The following PAN3 variants were observed in gnomAD, a reference collection of about 807,000 sequenced individuals.
The protein encoded by PAN3 is PAN2-PAN3 deadenylation complex subunit PAN3.
In PAN3, 19 loss-of-function variants were observed where a neutral mutation model predicts 96.2. That is an observed-to-expected ratio of 0.20 (90% CI 0.14 to 0.29). The LOEUF is 0.29. Ranked by LOEUF, PAN3 falls within the 10% of genes least tolerant of loss-of-function variation. The probability of loss-of-function intolerance (pLI) is 1.00; values close to 1 mark genes in which losing one functional copy is unlikely to be tolerated. For synonymous variants in PAN3, 433 were observed against 406.6 expected, an observed-to-expected ratio of 1.06 and a Z score of -0.78; for missense variants, 882 against 1,108.1, an observed-to-expected ratio of 0.80 and a Z score of 2.90.
chr13:28,245,711 C>G (rs1319476522), intron 6 of PAN3, among the ~76,000 whole-genome samples: 2 of 151,810 alleles, frequency 1.3e-5, no homozygotes, highest in Admixed American at 6.6e-5. Context: ...AACCACTAAT[C>G]TATTTTCTGA....
At chr13:28,179,171 T>C (rs1875439378) in intron 4 of PAN3, among the ~76,000 whole-genome samples, 5 of 152,240 alleles carry the variant, frequency 3.3e-5, no homozygotes, top group Admixed American at 3.3e-4. Flanking sequence ...AAATTTACCC[T>C]GCTTTACATA....
intron 5 of PAN3, among the ~76,000 whole-genome samples, chr13:28,205,224 G>A (rs1879205364): frequency 6.6e-6 from 1 of 152,064 alleles, no homozygotes; most frequent in Non-Finnish European, 1.5e-5. Context: ...GTAGGCTTTT[G>A]ATGCAATGGA....
chr13:28,238,628 C>T (rs1340136347), intron 6 of PAN3, among the ~76,000 whole-genome samples: 1 of 151,982 alleles, frequency 6.6e-6, no homozygotes, highest in Non-Finnish European at 1.5e-5. Flanking sequence ...AGCATTGATA[C>T]TTTTTTTAAT....
intron 4 of PAN3, among the ~76,000 whole-genome samples, chr13:28,189,525 AAAAC>A (rs1260792653): frequency 5.0e-5 from 7 of 139,798 alleles, no homozygotes. Context: ...TCAAAACAAA[AAAAC>A]AAAACAAAAC....
chr13:28,243,603 T>C (rs1321326988), intron 6 of PAN3, among the ~76,000 whole-genome samples: 3 of 152,196 alleles, frequency 2.0e-5, no homozygotes, highest in Non-Finnish European at 2.9e-5. Flanking sequence ...AATGGTCTGA[T>C]TAAACTTTTT....
intron 9 of PAN3, among the ~76,000 whole-genome samples, chr13:28,265,303 G>A (rs1886065763): frequency 6.6e-6 from 1 of 152,226 alleles, no homozygotes; most frequent in Non-Finnish European, 1.5e-5. Flanking sequence ...GGGTTTAAGT[G>A]ATTCTGCTGC....
intron 1 of PAN3, among the ~76,000 whole-genome samples, chr13:28,159,558 C>G (rs890865597): frequency 1.3e-5 from 2 of 152,346 alleles, no homozygotes; most frequent in African/African-American, 2.4e-5. Flanking sequence ...AAACGATTCT[C>G]CTGCCTCAGT....
chr13:28,186,279 G>T (rs1448103092), intron 4 of PAN3, among the ~76,000 whole-genome samples: 2 of 152,284 alleles, frequency 1.3e-5, no homozygotes, highest in South Asian at 4.1e-4. Context: ...ACAGAATGTG[G>T]AATTGATTTC....
Position 28,174,305 on chromosome 13 carries a change from C to T in PAN3, c.464C>T (p.Thr155Ile). The change falls in exon 2 of 19, where the codon ACA (threonine) becomes ATA (isoleucine). Residue 155 changes from threonine to isoleucine, a missense_variant. Physicochemically the swap from Thr to Ile is moderately conservative, Grantham distance 89. Coordinates refer to ENST00000380958, the MANE Select transcript of PAN3 (RefSeq NM_175854.8). Reference sequence around the variant, plus strand: ...ATGGATGGAGGTGCTTTAACTGATACAAGTCTCACAGATTCCTATTTTAGC... The same window carrying T: ...ATGGATGGAGGTGCTTTAACTGATATAAGTCTCACAGATTCCTATTTTAGC... ...PGMDGGALTD[T>I]SLTDSYFSTS... 6.2e-7 allele frequency: 1 copy of T among 1,612,698 alleles called. No individual in the cohort carries two copies. The highest frequency in any genetic ancestry group is 8.5e-7 in the Non-Finnish European group (1 of 1,178,792).
At position 28,207,173 on chromosome 13, in the gene PAN3, C is replaced by A. The variant is rs1161391455; in HGVS notation, c.852+9827C>A. Among the ~76,000 whole-genome samples the A allele has an allele frequency of 5.3e-5, 8 of 152,196 alleles. No homozygotes were observed. In the East Asian group the frequency reaches 1.5e-3, roughly 29 times the overall value. On this transcript the variant is annotated intron_variant, in intron 5 of 18. Transcript: ENST00000380958. Reference sequence around the variant, plus strand: ...GACACTTATTCACAACTATATGCCACCATATATCTTGGTTATTGATATCAT... The same window carrying A: ...GACACTTATTCACAACTATATGCCAACATATATCTTGGTTATTGATATCAT...
chr13:28,190,032 C>T (rs183225758), intron 4 of PAN3, among the ~76,000 whole-genome samples: 95 of 152,252 alleles, frequency 6.2e-4, no homozygotes, highest in Non-Finnish European at 1.2e-3. Flanking sequence ...CAAACTCTGC[C>T]CCCCGGGTTC....
intron 18 of PAN3, among the ~76,000 whole-genome samples, chr13:28,289,053 C>T (rs1317181232): frequency 1.3e-5 from 2 of 151,858 alleles, no homozygotes; most frequent in African/African-American, 4.8e-5. Context: ...GTCTCGATCT[C>T]CTGACCTCGT....
chr13:28,176,682 A>T, intron 3 of PAN3, 123 bp downstream of exon 3: 2 of 944,352 alleles, frequency 2.1e-6, no homozygotes, highest in Non-Finnish European at 3.2e-6. Context: ...AATAAAAATT[A>T]TTATCTTCCC....
chr13:28,277,386 A>C lies in PAN3; in HGVS notation c.2189+10A>C, dbSNP rs1457153643. The C allele has an allele frequency of 6.2e-7, 1 of 1,604,782 alleles. No individual in the cohort carries two copies. Among genetic ancestry groups the C allele is most frequent in the South Asian group, 1.1e-5 (1 of 89,226 alleles). On this transcript the variant is annotated intron_variant, in intron 15 of 18. Transcript: ENST00000380958. ...TGAAGAATCTGATTTTGTAAGTTTT[A>C]ATATATGATAAATTGTACAGAATGA...
At chr13:28,205,637 G>A (rs1400831627) in intron 5 of PAN3, among the ~76,000 whole-genome samples, 1 of 151,926 alleles carries the variant, frequency 6.6e-6, no homozygotes, top group Non-Finnish European at 1.5e-5. Context: ...CCAGGAGTTC[G>A]AGACCAGCCT....
At chr13:28,198,050 A>T (rs940123778) in intron 5 of PAN3, among the ~76,000 whole-genome samples, 3 of 152,088 alleles carry the variant, frequency 2.0e-5, no homozygotes, top group African/African-American at 7.2e-5. Flanking sequence ...AGGAAGGCGT[A>T]TCACCTGAGG....
intron 5 of PAN3, among the ~76,000 whole-genome samples, chr13:28,212,694 C>T (rs1458738137): frequency 6.6e-6 from 1 of 152,074 alleles, no homozygotes; most frequent in Non-Finnish European, 1.5e-5. Context: ...GCTATAGTGT[C>T]TGAAATGAAT....
At chr13:28,289,286 T>C (rs943356009) in intron 18 of PAN3, among the ~76,000 whole-genome samples, 2 of 151,978 alleles carry the variant, frequency 1.3e-5, no homozygotes, top group African/African-American at 4.8e-5. Context: ...GAGGTGAGCT[T>C]TTTTTTGGAA....
Position 28,257,604 on chromosome 13 carries a change from A to G in PAN3, c.1248+1065A>G, listed in dbSNP as rs553511601. ...CAGATCAGCAGAGGCATTAGATTCC[A>G]TAGGAACATGAACCCTATTGTAAAC... On this transcript the variant is annotated intron_variant, in intron 7 of 18. Transcript: ENST00000380958. Among the ~76,000 whole-genome samples, 5 of 149,798 alleles carry G rather than the reference A, an allele frequency of 3.3e-5. No individual in the cohort carries two copies. The South Asian group carries it at 1.0e-3, about 31-fold the overall frequency.
Sources: gnomAD v4.1 joint callset for allele counts (sites outside exome capture counted in the v4.1 genomes callset) on GRCh38, gnomAD v4.1.1 for gene constraint, MANE v1.5 for transcripts, NCBI Gene and HGNC (gene_info 2026-07-23, HGNC 2026-07-21) for gene names.